MARCHF10: variants seen among roughly 807,000 people sequenced by gnomAD.
MARCHF10 encodes the protein membrane associated ring-CH-type finger 10.
In MARCHF10, 64 loss-of-function variants were observed where a neutral mutation model predicts 76.2. The ratio of observed to expected loss-of-function variants is 0.84; its 90% CI spans 0.69 to 1.03. MARCHF10 has a LOEUF of 1.03. Ranked by LOEUF, MARCHF10 falls within the 50% of genes least tolerant of loss-of-function variation. The pLI, the probability that MARCHF10 is intolerant of heterozygous loss-of-function variation, is 0.00. For synonymous variants in MARCHF10, 340 were observed against 357.5 expected (o/e 0.95, Z 0.55); for missense variants, 875 against 958.0 (o/e 0.91, Z 1.14).
chr17:62,702,815 C>T (rs1235101486), intron 10 of MARCHF10, among the ~76,000 whole-genome samples: 1 of 152,234 alleles, frequency 6.6e-6, no homozygotes, highest in Non-Finnish European at 1.5e-5. Flanking sequence ...AAGCCCAAGC[C>T]CCTGAGCTGC....
chr17:62,748,658 C>T (rs901544630), intron 4 of MARCHF10, among the ~76,000 whole-genome samples: 1 of 152,004 alleles, frequency 6.6e-6, no homozygotes. Flanking sequence ...GCAAGAGGAC[C>T]ATTTGAGCCC....
rs79420760 is a variant in MARCHF10 at position 62,712,243 on chromosome 17, C to T, written c.2215-899G>A. ...TGTGCTCACAAAGCCACCCAGCCCC[C>T]GGGGAATAGAGTCCCCAGCAGAGGG... On this transcript the variant is annotated intron_variant, in intron 8 of 10. Coordinates refer to ENST00000311269, the MANE Select transcript of MARCHF10 (RefSeq NM_152598.4). The surrounding 1 kb of genome is among the most constrained non-coding windows in gnomAD (Gnocchi z 4.2). Among the ~76,000 whole-genome samples, 896 of 152,368 alleles carry T rather than the reference C, an allele frequency of 5.9e-3. 10 individuals carry two copies. Among genetic ancestry groups the T allele is most frequent in the African/African-American group, 0.02 (842 of 41,588 alleles).
intron 8 of MARCHF10, among the ~76,000 whole-genome samples, chr17:62,717,141 C>T (rs1483385215): frequency 3.3e-5 from 5 of 152,362 alleles, no homozygotes; most frequent in East Asian, 1.9e-4. Context: ...CTTCAGAATT[C>T]GCCCAAGTCA....
At chr17:62,780,731 T>C (rs12601612) in intron 3 of MARCHF10, among the ~76,000 whole-genome samples, 1 of 152,326 alleles carries the variant, frequency 6.6e-6, no homozygotes, top group East Asian at 1.9e-4. Context: ...TGAGAACGTG[T>C]TCTCAGTCCT....
intron 9 of MARCHF10, among the ~76,000 whole-genome samples, chr17:62,708,233 A>G (rs2089706309): frequency 6.6e-6 from 1 of 150,464 alleles, no homozygotes; most frequent in Non-Finnish European, 1.5e-5. Context: ...CCTCCTGGAA[A>G]AAGTAGGTTC....
intron 2 of MARCHF10, among the ~76,000 whole-genome samples, chr17:62,792,286 G>A (rs1038231856): frequency 3.3e-5 from 5 of 151,968 alleles, no homozygotes. Flanking sequence ...TGGTAAACAC[G>A]ACAATCCCCA....
chr17:62,749,177 G>A lies in MARCHF10; in HGVS notation c.383-4649C>T, dbSNP rs909569662. Reference sequence around the variant, plus strand: ...ACAATGTTGGGAAACTGTGATTGTCGACTGAAGACTTCTTAATTTGACCAG... The same window carrying A: ...ACAATGTTGGGAAACTGTGATTGTCAACTGAAGACTTCTTAATTTGACCAG... On this transcript the variant is annotated intron_variant, in intron 4 of 10. Transcript: ENST00000311269. Among the ~76,000 whole-genome samples the A allele has an allele frequency of 3.3e-5, 5 of 149,462 alleles. No homozygotes were observed. In the South Asian group the frequency reaches 1.1e-3, roughly 32 times the overall value.
At chr17:62,786,005 C>T (rs1290391065) in intron 3 of MARCHF10, among the ~76,000 whole-genome samples, 1 of 152,074 alleles carries the variant, frequency 6.6e-6, no homozygotes, top group Non-Finnish European at 1.5e-5. Context: ...CTAGAAATAC[C>T]ATTTGACCCA....
chr17:62,748,677 C>T (rs1239395025), intron 4 of MARCHF10, among the ~76,000 whole-genome samples: 1 of 151,430 alleles, frequency 6.6e-6, no homozygotes, highest in Non-Finnish European at 1.5e-5. Flanking sequence ...CCCAGGAGGT[C>T]GAGGCTGCAG....
At chr17:62,773,633 C>A (rs992260113) in intron 3 of MARCHF10, among the ~76,000 whole-genome samples, 1 of 152,126 alleles carries the variant, frequency 6.6e-6, no homozygotes. Context: ...GGATGAGACC[C>A]AGGCTCACGG....
At chr17:62,806,255 T>A (rs1202037333) in intron 1 of MARCHF10, among the ~76,000 whole-genome samples, 2 of 152,078 alleles carry the variant, frequency 1.3e-5, no homozygotes, top group Non-Finnish European at 2.9e-5. Context: ...TAAAACTACA[T>A]GAGATAATGC....
intron 8 of MARCHF10, among the ~76,000 whole-genome samples, chr17:62,713,379 G>GC (rs1201760940): frequency 6.6e-6 from 1 of 152,180 alleles, no homozygotes; most frequent in Non-Finnish European, 1.5e-5. Flanking sequence ...ACTCAATAAG[G>GC]CCCAGAGGCA....
intron 1 of MARCHF10, among the ~76,000 whole-genome samples, chr17:62,802,338 G>A (rs999242641): frequency 6.6e-6 from 1 of 152,086 alleles, no homozygotes; most frequent in Non-Finnish European, 1.5e-5. Context: ...TCTTGCCTCA[G>A]CCTCCCTAGT....
intron 6 of MARCHF10, among the ~76,000 whole-genome samples, chr17:62,731,372 C>CCCACTTCA (rs1033693015): frequency 1.1e-4 from 17 of 152,234 alleles, no homozygotes; most frequent in African/African-American, 3.6e-4. Context: ...AAGAGATTCT[C>CCCACTTCA]CCACTTCAGC....
At chr17:62,780,859 C>T (rs529063053) in intron 3 of MARCHF10, 1 of 152,248 alleles carries the variant, frequency 6.6e-6, no homozygotes, top group Non-Finnish European at 1.5e-5. Flanking sequence ...TGTCCTGCGC[C>T]AATTAATCAT....
intron 3 of MARCHF10, among the ~76,000 whole-genome samples, chr17:62,768,861 A>G (rs2092388789): frequency 6.6e-6 from 1 of 152,220 alleles, no homozygotes; most frequent in South Asian, 2.1e-4. Context: ...TCTAATATGC[A>G]GAGCAGATTC....
intron 6 of MARCHF10, among the ~76,000 whole-genome samples, chr17:62,732,493 G>A (rs2091067218): frequency 6.6e-6 from 1 of 152,194 alleles, no homozygotes; most frequent in Non-Finnish European, 1.5e-5. Flanking sequence ...CCAAACGCTC[G>A]GATATTTCAT....
chr17:62,725,044 C>T lies in MARCHF10; in HGVS notation c.1998G>A (p.Gly666=), dbSNP rs774314210. ...CCAGGAGGGGGTTGCTTGGGGAACCCCCGGCTATCTGACAGATGCGACACA... is the reference window on the plus strand; with the variant it reads ...CCAGGAGGGGGTTGCTTGGGGAACCTCCGGCTATCTGACAGATGCGACACA... ...GDLCRICQIA[G]GSPSNPLLEP... is the part of the protein sequence containing the mutation. The change falls in exon 7 of 11, where the codon GGG becomes GGA. Residue 666 remains glycine (G), a synonymous_variant. Transcript: ENST00000311269. 6.8e-6 allele frequency: 11 copies of T among 1,608,608 alleles called. No homozygotes were observed. The South Asian group carries it at 1.2e-4, about 18-fold the overall frequency.
Position 62,712,634 on chromosome 17 carries a change from G to C in MARCHF10, c.2215-1290C>G, listed in dbSNP as rs1199557815. The stretch of plus-strand genomic sequence containing the variant: ...CCATCTTCGAAGGCCCCAGTCCTCT[G>C]TCCTTAGCAGTTAGCCTCCTATTTT... On this transcript the variant is annotated intron_variant, in intron 8 of 10. Coordinates refer to ENST00000311269, the MANE Select transcript of MARCHF10 (RefSeq NM_152598.4). This position sits in a 1 kb window ranked among gnomAD's most constrained non-coding sequence, Gnocchi z 4.2. Among the ~76,000 whole-genome samples, 1 of 152,244 alleles carries C rather than the reference G, an allele frequency of 6.6e-6. No homozygotes were observed. Among genetic ancestry groups the C allele is most frequent in the African/African-American group, 2.4e-5 (1 of 41,470 alleles).
Sources: gnomAD v4.1 joint callset for allele counts (sites outside exome capture counted in the v4.1 genomes callset) on GRCh38, gnomAD v4.1.1 for gene constraint, Gnocchi (gnomAD v3.1) non-coding constraint, MANE v1.5 for transcripts, NCBI Gene and HGNC (gene_info 2026-07-23, HGNC 2026-07-21) for gene names.